The following CTNNA3 variants were observed in gnomAD, a reference collection of about 807,000 sequenced individuals.
The protein encoded by CTNNA3 is catenin alpha-3.
CTNNA3 carries 76 observed loss-of-function variants against 95.7 expected under a neutral mutation model. The observed-to-expected ratio is 0.79, with a 90% confidence interval of 0.66 to 0.96. CTNNA3 has a LOEUF of 0.96. CTNNA3 is among the 40% of genes least tolerant of loss of function. The pLI, the probability that CTNNA3 is intolerant of heterozygous loss-of-function variation, is 0.00. For missense variants in CTNNA3, 1,191 were observed against 1,089.8 expected (o/e 1.09, Z -1.31); for synonymous variants, 431 against 374.4 (o/e 1.15, Z -1.74).
chr10:66,768,922 A>G (rs577568595), intron 8 of CTNNA3, among the ~76,000 whole-genome samples: 1 of 152,290 alleles, frequency 6.6e-6, no homozygotes, highest in African/African-American at 2.4e-5. Context: ...TGGGCTGAAG[A>G]GTCCTATTGC....
chr10:66,776,880 A>AT (rs551553233), intron 7 of CTNNA3, among the ~76,000 whole-genome samples: 39 of 152,074 alleles, frequency 2.6e-4, no homozygotes, highest in African/African-American at 8.9e-4. Flanking sequence ...ATATATCTCA[A>AT]TTTTTTTTCT....
chr10:67,124,174 C>T (rs1859598280), intron 7 of CTNNA3, among the ~76,000 whole-genome samples: 1 of 152,102 alleles, frequency 6.6e-6, no homozygotes, highest in Non-Finnish European at 1.5e-5. Flanking sequence ...AATGTTCAGA[C>T]CTCTCAATTC....
intron 6 of CTNNA3, among the ~76,000 whole-genome samples, chr10:67,206,948 T>C (rs189001697): frequency 6.6e-6 from 1 of 152,122 alleles, no homozygotes; most frequent in East Asian, 1.9e-4. Context: ...TAAGCCAACA[T>C]GGTGAAACCC....
chr10:66,820,532 A>G (rs1842271341), intron 7 of CTNNA3, among the ~76,000 whole-genome samples: 1 of 152,008 alleles, frequency 6.6e-6, no homozygotes, highest in South Asian at 2.1e-4. Context: ...ACATACACAG[A>G]TATATACATA....
chr10:67,708,327 C>A (rs1355766007), intron 1 of CTNNA3, among the ~76,000 whole-genome samples: 3 of 152,130 alleles, frequency 2.0e-5, no homozygotes, highest in Non-Finnish European at 2.9e-5. Context: ...CCAGCCCACA[C>A]CTTTCAGGTG....
chr10:67,059,387 TA>T (rs1319481387), intron 7 of CTNNA3, among the ~76,000 whole-genome samples: 1 of 151,946 alleles, frequency 6.6e-6, no homozygotes, highest in Non-Finnish European at 1.5e-5. Context: ...AAATGAGGAG[TA>T]AATAAAGAAT....
chr10:66,074,505 T>C (rs1015649554), intron 14 of CTNNA3, among the ~76,000 whole-genome samples: 2 of 151,898 alleles, frequency 1.3e-5, no homozygotes, highest in Admixed American at 6.6e-5. Flanking sequence ...TTGCTGCAGG[T>C]AAATATCTTG....
intron 1 of CTNNA3, among the ~76,000 whole-genome samples, chr10:67,704,528 A>T (rs1320698204): frequency 2.0e-5 from 3 of 152,244 alleles, no homozygotes; most frequent in Admixed American, 2.0e-4. Flanking sequence ...CAATGGGGAA[A>T]GGATTCCCTA....
At chr10:67,005,329 G>T (rs1053673765) in intron 7 of CTNNA3, among the ~76,000 whole-genome samples, 3 of 152,104 alleles carry the variant, frequency 2.0e-5, no homozygotes, top group Non-Finnish European at 4.4e-5. Context: ...ATTGAAGGGA[G>T]AAAACACCTG....
intron 6 of CTNNA3, among the ~76,000 whole-genome samples, chr10:67,187,760 AATT>A (rs1347534065): frequency 6.6e-6 from 1 of 151,818 alleles, no homozygotes; most frequent in Non-Finnish European, 1.5e-5. Context: ...TAGTTTTTGT[AATT>A]TTTGTAGAGA....
intron 13 of CTNNA3, among the ~76,000 whole-genome samples, chr10:66,163,506 AGAG>A (rs2084962176): frequency 6.6e-6 from 1 of 152,082 alleles, no homozygotes; most frequent in Non-Finnish European, 1.5e-5. Context: ...CGTGTTTGAG[AGAG>A]GAGGGTCTCC....
chr10:67,467,710 A>C (rs1456009287), intron 5 of CTNNA3, among the ~76,000 whole-genome samples: 1 of 150,810 alleles, frequency 6.6e-6, no homozygotes, highest in East Asian at 1.9e-4. Flanking sequence ...TATTTTATTT[A>C]TTATTATTAT....
intron 9 of CTNNA3, among the ~76,000 whole-genome samples, chr10:66,714,068 C>T (rs948992434): frequency 7.9e-5 from 12 of 152,096 alleles, no homozygotes; most frequent in African/African-American, 2.2e-4. Flanking sequence ...AAGTTAAAGG[C>T]TTGAGGCACT....
intron 7 of CTNNA3, among the ~76,000 whole-genome samples, chr10:67,102,592 A>G (rs180997532): frequency 6.6e-6 from 1 of 151,906 alleles, no homozygotes; most frequent in African/African-American, 2.4e-5. Flanking sequence ...TCATTTATAA[A>G]TTTTGTGTTA....
At chr10:66,985,915 A>G (rs534580329) in intron 7 of CTNNA3, among the ~76,000 whole-genome samples, 1 of 152,066 alleles carries the variant, frequency 6.6e-6, no homozygotes, top group Admixed American at 6.5e-5. Context: ...TTTAGTAGAG[A>G]CAGGGTTTCA....
At chr10:67,218,285 T>G (rs1273298239) in intron 6 of CTNNA3, among the ~76,000 whole-genome samples, 1 of 152,192 alleles carries the variant, frequency 6.6e-6, no homozygotes, top group African/African-American at 2.4e-5. Context: ...CTTATAATTT[T>G]TTCCAGCTTT....
intron 5 of CTNNA3, among the ~76,000 whole-genome samples, chr10:67,490,865 A>T (rs1426548914): frequency 6.6e-6 from 1 of 152,136 alleles, no homozygotes; most frequent in African/African-American, 2.4e-5. Context: ...AGAAATAAGA[A>T]AGGGAAAATC....
At chr10:66,690,099 A>T (rs916740648) in intron 9 of CTNNA3, among the ~76,000 whole-genome samples, 2 of 152,256 alleles carry the variant, frequency 1.3e-5, no homozygotes, top group East Asian at 1.9e-4. Flanking sequence ...CTTAAAGCTT[A>T]ATAAAGTATC....
chr10:66,079,630 A>C (rs2080670524), intron 14 of CTNNA3, among the ~76,000 whole-genome samples: 2 of 151,810 alleles, frequency 1.3e-5, no homozygotes, highest in African/African-American at 4.8e-5. Context: ...ATAAAATAAC[A>C]ATTTGAGGAA....
Sources: gnomAD v4.1 joint callset for allele counts (sites outside exome capture counted in the v4.1 genomes callset) on GRCh38, gnomAD v4.1.1 for gene constraint, MANE v1.5 for transcripts, NCBI Gene and HGNC (gene_info 2026-07-23, HGNC 2026-07-21) for gene names.